The following HAUS2 variants were observed in gnomAD, a reference collection of about 807,000 sequenced individuals.
The protein encoded by HAUS2 is HAUS augmin-like complex subunit 2.
In HAUS2, 20 loss-of-function variants were observed where a neutral mutation model predicts 21.6. The ratio of observed to expected loss-of-function variants is 0.93; its 90% CI spans 0.65 to 1.35. HAUS2 has a LOEUF of 1.35. Ranked by LOEUF, HAUS2 falls within the 40% of genes most tolerant of loss-of-function variation. The probability of loss-of-function intolerance (pLI) is 0.00; values close to 1 mark genes in which losing one functional copy is unlikely to be tolerated. For synonymous variants in HAUS2, 113 were observed against 95.6 expected (o/e 1.18, Z -1.06); for missense variants, 297 against 280.7 (o/e 1.06, Z -0.42).
intron 1 of HAUS2, among the ~76,000 whole-genome samples, chr15:42,557,693 G>A (rs2057802166): frequency 6.6e-6 from 1 of 151,520 alleles, no homozygotes; most frequent in African/African-American, 2.4e-5. Context: ...AATTATGCCT[G>A]GATACAAATA....
intron 5 of HAUS2, among the ~76,000 whole-genome samples, chr15:42,564,831 T>G (rs2057889883): frequency 6.6e-6 from 1 of 152,142 alleles, no homozygotes; most frequent in South Asian, 2.1e-4. Context: ...AAGCTGAATC[T>G]TTATTTATTT....
intron 3 of HAUS2, chr15:42,560,908 G>A (rs776949615): frequency 1.7e-5 from 12 of 696,814 alleles, no homozygotes; most frequent in Middle Eastern, 2.3e-4. Flanking sequence ...ACTCTTTTTC[G>A]ATGGTCTTTT....
rs1027106349 is a variant in HAUS2, at chr15:42,568,174, C to T, written c.*1358C>T. 1.3e-5 allele frequency: 2 copies of T among 152,252 alleles called. No individual in the cohort carries two copies. Among genetic ancestry groups the T allele is most frequent in the African/African-American group, 4.8e-5 (2 of 41,458 alleles). 9.4% of individuals were successfully genotyped at this position (152,252 alleles called of 1,614,324 possible). On this transcript the variant is annotated 3_prime_UTR_variant, in exon 6 of 6. Coordinates refer to ENST00000260372, the MANE Select transcript of HAUS2 (RefSeq NM_018097.3). ...GAAAGGCCTGATTATAAGGTTTGTC[C>T]TCAGCTGTTGCATCTGGGAACTTAG...
At chr15:42,552,256 T>C (rs1206080544) in intron 1 of HAUS2, among the ~76,000 whole-genome samples, 1 of 152,152 alleles carries the variant, frequency 6.6e-6, no homozygotes, top group Non-Finnish European at 1.5e-5. Flanking sequence ...ACTCCTGACC[T>C]CAAATGATCC....
Position 42,567,042 on chromosome 15 carries a change from A to G in HAUS2, c.*226A>G, listed in dbSNP as rs1373313430. On this transcript the variant is annotated 3_prime_UTR_variant, in exon 6 of 6. Coordinates refer to ENST00000260372, the MANE Select transcript of HAUS2 (RefSeq NM_018097.3). ...AAACTAGAGAAGCTAAAAAATAGCC[A>G]TGACAATTTATTAATATAAGTGAAT... The G allele has an allele frequency of 8.4e-6, 3 of 357,302 alleles. No homozygotes were observed. Among genetic ancestry groups the G allele is most frequent in the Non-Finnish European group, 1.5e-5 (3 of 195,230 alleles). The allele number at this position is 357,302 out of a possible 1,614,324, so 22.1% of individuals were successfully genotyped here.
chr15:42,556,053 TCTC>T lies in HAUS2; in HGVS notation c.94-2142_94-2140del, dbSNP rs200252192. 9.9e-3 allele frequency among the ~76,000 whole-genome samples: 1,495 copies of T among 151,564 alleles called. 32 individuals are homozygous for T. The highest frequency in any genetic ancestry group is 0.035 in the African/African-American group (1,425 of 41,256). ...CCTCTGCCTCCCAGGTTCAAGCAATTCTCCTGCCTCAGCCTCCCAAACTAGCTG... is the reference window on the plus strand; with the variant it reads ...CCTCTGCCTCCCAGGTTCAAGCAATTCTGCCTCAGCCTCCCAAACTAGCTG... On this transcript the variant is annotated intron_variant, in intron 1 of 5. Transcript: ENST00000260372.
At chr15:42,558,997 T>C (rs1336943912) in intron 2 of HAUS2, among the ~76,000 whole-genome samples, 1 of 152,100 alleles carries the variant, frequency 6.6e-6, no homozygotes, top group African/African-American at 2.4e-5. Context: ...AGCAATTCCT[T>C]TGAACTTAGA....
intron 2 of HAUS2, 97 bp from the exon 3 acceptor site, chr15:42,559,242 C>T: frequency 2.8e-6 from 2 of 714,732 alleles, no homozygotes; most frequent in Non-Finnish European, 5.1e-6. Flanking sequence ...CCACCTGCCT[C>T]AGCCTCCCAA....
At chr15:42,560,945 A>G in intron 3 of HAUS2, 1 of 645,838 alleles carries the variant, frequency 1.5e-6, no homozygotes, top group South Asian at 1.7e-5. Flanking sequence ...AGGGATAGGA[A>G]AAAAGACTTT....
chr15:42,555,455 G>A (rs2057763465), intron 1 of HAUS2, among the ~76,000 whole-genome samples: 1 of 152,074 alleles, frequency 6.6e-6, no homozygotes, highest in Admixed American at 6.6e-5. Flanking sequence ...TATTATGTAT[G>A]ATTATATTAC....
chr15:42,556,373 C>T (rs1251073278), intron 1 of HAUS2, among the ~76,000 whole-genome samples: 8 of 147,426 alleles, frequency 5.4e-5, no homozygotes. Context: ...AAGCAATTCT[C>T]CTGCCTCAGC....
intron 5 of HAUS2, among the ~76,000 whole-genome samples, chr15:42,564,427 C>T (rs905344044): frequency 1.3e-5 from 2 of 152,074 alleles, no homozygotes; most frequent in Non-Finnish European, 2.9e-5. Context: ...GGCTATGCTA[C>T]ATGTATTGTG....
intron 3 of HAUS2, chr15:42,560,910 T>C (rs1183649393): frequency 1.4e-6 from 1 of 696,188 alleles, no homozygotes; most frequent in Non-Finnish European, 2.6e-6. Context: ...TCTTTTTCGA[T>C]GGTCTTTTAT....
chr15:42,564,284 A>AG (rs1555384158), intron 5 of HAUS2, among the ~76,000 whole-genome samples: 44 of 151,606 alleles, frequency 2.9e-4, no homozygotes, highest in African/African-American at 1.1e-3. Context: ...AAAAAAAAAA[A>AG]AAGAAGAAGA....
chr15:42,549,025 G>GTA, intron 1 of HAUS2, 60 bp downstream of exon 1: 1 of 1,063,732 alleles, frequency 9.4e-7, no homozygotes, highest in Non-Finnish European at 1.4e-6. Context: ...CAATATGGCT[G>GTA]TGAGTTGGTG....
chr15:42,563,784 T>C lies in HAUS2; in HGVS notation c.425T>C (p.Phe142Ser). The change falls in exon 5 of 6, where the codon TTC (phenylalanine) becomes TCC (serine). Residue 142 changes from phenylalanine (F) to serine (S), a missense_variant. Transcript: ENST00000260372. ...MVHLLELAVTFIERLETHLET... is the reference protein window; with the variant it reads ...MVHLLELAVTSIERLETHLET... Reference sequence around the variant, plus strand: ...CATTTGCTGGAGTTGGCTGTGACTTTCATTGAGAGATTAGAAACCCACCTT... The same window carrying C: ...CATTTGCTGGAGTTGGCTGTGACTTCCATTGAGAGATTAGAAACCCACCTT... The C allele has an allele frequency of 1.3e-6, 2 of 1,580,692 alleles. No homozygotes were observed. The highest frequency in any genetic ancestry group is 1.7e-6 in the Non-Finnish European group (2 of 1,154,400).
intron 1 of HAUS2, among the ~76,000 whole-genome samples, chr15:42,555,723 C>T (rs1226333163): frequency 6.6e-6 from 1 of 152,072 alleles, no homozygotes; most frequent in Non-Finnish European, 1.5e-5. Context: ...TTGAATATTT[C>T]GTTGACTAAC....
chr15:42,564,414 C>T (rs748784253), intron 5 of HAUS2, among the ~76,000 whole-genome samples: 5 of 151,818 alleles, frequency 3.3e-5, no homozygotes, highest in Admixed American at 6.6e-5. Context: ...TTCATTGTGC[C>T]GTGGCTATGC....
chr15:42,556,260 G>GTTT (rs2057773314), intron 1 of HAUS2, among the ~76,000 whole-genome samples: 3 of 96,956 alleles, frequency 3.1e-5, no homozygotes, highest in African/African-American at 4.8e-5. Flanking sequence ...CTGCGCCCAG[G>GTTT]CTTTTTTTTT....
Sources: gnomAD v4.1 joint callset for allele counts (sites outside exome capture counted in the v4.1 genomes callset) on GRCh38, gnomAD v4.1.1 for gene constraint, MANE v1.5 for transcripts, NCBI Gene and HGNC (gene_info 2026-07-23, HGNC 2026-07-21) for gene names.